Variants in MICAL2 observed in about 807,000 individuals in gnomAD.
MICAL2 encodes [F-actin]-monooxygenase MICAL2.
MICAL2 carries 77 observed loss-of-function variants against 127.3 expected under a neutral mutation model. The ratio of observed to expected loss-of-function variants is 0.60; its 90% CI spans 0.50 to 0.73. The LOEUF is 0.73. Among genes scored for constraint, MICAL2 ranks in the 30% least tolerant of loss-of-function variants. The pLI, the probability that MICAL2 is intolerant of heterozygous loss-of-function variation, is 0.00. For missense variants in MICAL2, 1,351 were observed against 1,434.4 expected, an observed-to-expected ratio of 0.94 and a Z score of 0.94; for synonymous variants, 570 against 551.1, an observed-to-expected ratio of 1.03 and a Z score of -0.48.
At position 12,188,533 on chromosome 11, in the gene MICAL2, C is replaced by A. The variant is rs147872775; in HGVS notation, c.265-15717C>A. On this transcript the variant is annotated intron_variant, in intron 3 of 27. Transcript: ENST00000683283. The stretch of plus-strand genomic sequence containing the variant: ...AATGCACAGGATAACACCCTACAAC[C>A]AAAATTATCTGGTCCCAAATGTAGT... Among the ~76,000 whole-genome samples the A allele has an allele frequency of 6.0e-3, 907 of 152,280 alleles. 11 individuals carry two copies. Among genetic ancestry groups the A allele is most frequent in the African/African-American group, 0.021 (885 of 41,566 alleles).
chr11:12,260,776 C>G (rs947482411), intron 26 of MICAL2: 2 of 985,396 alleles, frequency 2.0e-6, no homozygotes, highest in East Asian at 2.3e-4. Flanking sequence ...GTTATCTGTC[C>G]CCCTGGGAGG....
intron 8 of MICAL2, among the ~76,000 whole-genome samples, chr11:12,218,456 C>T (rs1856446254): frequency 6.6e-6 from 1 of 152,162 alleles, no homozygotes; most frequent in African/African-American, 2.4e-5. Flanking sequence ...TAGGTCCCCA[C>T]TCTCCTGCAT....
intron 29 of MICAL2, among the ~76,000 whole-genome samples, chr11:12,317,618 T>C (rs10219157): frequency 0.93 from 141,438 of 152,228 alleles, 65,746 homozygotes; most frequent in East Asian, 0.95. Context: ...ATGGCGAAAC[T>C]CCATCTCTGT....
chr11:12,139,053 T>A lies in MICAL2; in HGVS notation c.-78+593T>A, dbSNP rs78128837. On this transcript the variant is annotated intron_variant, in intron 2 of 27. Transcript: ENST00000683283. ...GGCTAGCCTGGTTTCTGTAACCTTA[T>A]AATTAGAAAGGTTGTTTAGAGTAAA... 1.8e-4 allele frequency among the ~76,000 whole-genome samples: 27 copies of A among 152,252 alleles called. No individual in the cohort carries two copies. In the East Asian group the frequency reaches 5.2e-3, roughly 29 times the overall value.
At chr11:12,358,654 C>A, downstream of MICAL2, 1 of 521,444 alleles carries the variant, frequency 1.9e-6, no homozygotes, top group South Asian at 4.6e-5. Context: ...AAGGTTCTTC[C>A]AGAGATTCAA....
chr11:12,157,684 C>T (rs1386013343), intron 2 of MICAL2, among the ~76,000 whole-genome samples: 1 of 134,294 alleles, frequency 7.4e-6, no homozygotes, highest in Non-Finnish European at 1.7e-5. Context: ...AGCTAGTTAC[C>T]AGGATCCTCT....
chr11:12,160,796 G>C (rs141309020), intron 2 of MICAL2, among the ~76,000 whole-genome samples: 199 of 152,340 alleles, frequency 1.3e-3, no homozygotes, highest in African/African-American at 4.3e-3. Context: ...GGCGGGGCCT[G>C]AGCCTACGTA....
intron 1 of MICAL2, among the ~76,000 whole-genome samples, chr11:12,136,074 G>A (rs753072930): frequency 6.6e-6 from 1 of 152,068 alleles, no homozygotes; most frequent in African/African-American, 2.4e-5. Context: ...GAAGGCTCCC[G>A]GAGTTCCTGT....
At chr11:12,350,182 C>A (rs1312709309) in intron 33 of MICAL2, among the ~76,000 whole-genome samples, 1 of 152,202 alleles carries the variant, frequency 6.6e-6, no homozygotes, top group African/African-American at 2.4e-5. Flanking sequence ...GGGTCTGGAG[C>A]TGAAGGTCAT....
Position 12,146,582 on chromosome 11 carries a change from G to A in MICAL2, c.-78+8122G>A, listed in dbSNP as rs1852932797. On this transcript the variant is annotated intron_variant, in intron 2 of 27. Coordinates refer to ENST00000683283, the MANE Select transcript of MICAL2 (RefSeq NM_001282663.2). The stretch of plus-strand genomic sequence containing the variant: ...AAACAACAGGTGCTGGAGAGGATGT[G>A]GAGAAATAGGAACACTTTTACACTG... Among the ~76,000 whole-genome samples, 3 of 152,266 alleles carry A rather than the reference G, an allele frequency of 2.0e-5. No individual in the cohort carries two copies. In the South Asian group the frequency reaches 6.2e-4, roughly 32 times the overall value.
intron 24 of MICAL2, among the ~76,000 whole-genome samples, chr11:12,270,779 G>T (rs1310373955): frequency 6.6e-6 from 1 of 152,240 alleles, no homozygotes; most frequent in Non-Finnish European, 1.5e-5. Context: ...TTGGTCAAGT[G>T]TGATAACTCC....
downstream of MICAL2, among the ~76,000 whole-genome samples, chr11:12,267,188 T>A (rs1159684477): frequency 6.6e-6 from 1 of 152,110 alleles, no homozygotes; most frequent in Non-Finnish European, 1.5e-5. Context: ...GGTTTTGCCT[T>A]AGTGAGTGCC....
intron 3 of MICAL2, among the ~76,000 whole-genome samples, chr11:12,181,015 C>T (rs1857409934): frequency 6.7e-6 from 1 of 150,114 alleles, no homozygotes; most frequent in Non-Finnish European, 1.5e-5. Context: ...GGAATCTCCG[C>T]CCCGCCACAC....
chr11:12,317,661 G>C (rs1435343372), intron 29 of MICAL2, among the ~76,000 whole-genome samples: 2 of 152,078 alleles, frequency 1.3e-5, no homozygotes, highest in Non-Finnish European at 2.9e-5. Flanking sequence ...GCATGTTGGT[G>C]GGCACCTGTA....
chr11:12,170,027 G>A (rs182509229), intron 3 of MICAL2, among the ~76,000 whole-genome samples: 269 of 152,322 alleles, frequency 1.8e-3, no homozygotes, highest in Non-Finnish European at 3.0e-3. Context: ...ACTGGGTGAA[G>A]AGCAGTGCAG....
chr11:12,281,171 C>T (rs1796831509), intron 2 of MICAL2: 2 of 398,786 alleles, frequency 5.0e-6, no homozygotes, highest in South Asian at 1.3e-4. Flanking sequence ...GCTGAATTTC[C>T]CTCTTGGAGG....
At chr11:12,273,417 C>T (rs1863693313), upstream of MICAL2, among the ~76,000 whole-genome samples, 1 of 152,202 alleles carries the variant, frequency 6.6e-6, no homozygotes, top group African/African-American at 2.4e-5. Flanking sequence ...CATCTGACTA[C>T]ATTCCTCAAA....
At chr11:12,341,140 C>T (rs546071835) in intron 32 of MICAL2, among the ~76,000 whole-genome samples, 155 of 152,176 alleles carry the variant, frequency 1.0e-3, no homozygotes, top group African/African-American at 3.5e-3. Context: ...GACCAGAGAC[C>T]AGAGAACAAA....
At chr11:12,293,144 A>G (rs999648160), downstream of MICAL2, among the ~76,000 whole-genome samples, 2 of 152,222 alleles carry the variant, frequency 1.3e-5, no homozygotes, top group East Asian at 3.8e-4. Flanking sequence ...TGGGTGGATC[A>G]TGCCTTTTAG....
Sources: gnomAD v4.1 joint callset for allele counts (sites outside exome capture counted in the v4.1 genomes callset) on GRCh38, gnomAD v4.1.1 for gene constraint, MANE v1.5 for transcripts, NCBI Gene and HGNC (gene_info 2026-07-23, HGNC 2026-07-21) for gene names.